Variants in PAM observed in about 807,000 individuals in gnomAD.
The protein encoded by PAM is peptidyl-glycine alpha-amidating monooxygenase.
A neutral mutation model predicts 122.1 loss-of-function variants in PAM; 72 were observed. That is an observed-to-expected ratio of 0.59 (90% CI 0.49 to 0.72). The LOEUF is 0.72. Ranked by LOEUF, PAM falls within the 30% of genes least tolerant of loss-of-function variation. The pLI is 0.00. For missense variants in PAM, 1,106 were observed against 1,183.7 expected (o/e 0.93, Z 0.96); for synonymous variants, 389 against 404.4 (o/e 0.96, Z 0.46).
chr5:102,964,022 T>G (rs1381735668), intron 14 of PAM, among the ~76,000 whole-genome samples: 3 of 151,046 alleles, frequency 2.0e-5, no homozygotes, highest in Non-Finnish European at 4.4e-5. Flanking sequence ...AGGGGAGAGA[T>G]AGAAATAATC....
At chr5:102,987,098 C>T (rs990039002) in intron 15 of PAM, among the ~76,000 whole-genome samples, 6 of 152,102 alleles carry the variant, frequency 3.9e-5, no homozygotes, top group African/African-American at 1.4e-4. Flanking sequence ...ACTGTACCCC[C>T]ATGTTTACTG....
intron 1 of PAM, among the ~76,000 whole-genome samples, chr5:102,815,157 C>G (rs1769367158): frequency 6.6e-6 from 1 of 152,082 alleles, no homozygotes; most frequent in South Asian, 2.1e-4. Flanking sequence ...ACTGCAGATC[C>G]TTGCCTCTAC....
intron 1 of PAM, among the ~76,000 whole-genome samples, chr5:102,758,090 T>TTG (rs1751126071): frequency 1.0e-5 from 1 of 99,380 alleles, no homozygotes; most frequent in South Asian, 3.7e-4. Flanking sequence ...TTTTTTTTTT[T>TTG]TTTTTTTTTT....
intron 4 of PAM, among the ~76,000 whole-genome samples, chr5:102,904,255 G>C (rs1056721294): frequency 1.3e-5 from 2 of 151,366 alleles, no homozygotes; most frequent in African/African-American, 4.8e-5. Flanking sequence ...TACTTTGTTC[G>C]TTCTTTTCTG....
At chr5:102,994,731 T>C (rs1447325210) in intron 16 of PAM, among the ~76,000 whole-genome samples, 1 of 152,196 alleles carries the variant, frequency 6.6e-6, no homozygotes, top group Non-Finnish European at 1.5e-5. Context: ...AATTCAGGGC[T>C]TTATTCCAAT....
chr5:102,938,790 C>T (rs1754122573), intron 7 of PAM, among the ~76,000 whole-genome samples: 1 of 152,106 alleles, frequency 6.6e-6, no homozygotes, highest in Non-Finnish European at 1.5e-5. Context: ...TTAGGAGCTA[C>T]AATTCTGTTT....
intron 1 of PAM, among the ~76,000 whole-genome samples, chr5:102,781,134 G>A (rs2149868687): frequency 6.6e-6 from 1 of 152,146 alleles, no homozygotes; most frequent in South Asian, 2.1e-4. Context: ...TGCAAACATT[G>A]CATACAATAC....
At chr5:102,773,930 A>G (rs370470488) in intron 1 of PAM, among the ~76,000 whole-genome samples, 1 of 152,024 alleles carries the variant, frequency 6.6e-6, no homozygotes, top group Non-Finnish European at 1.5e-5. Flanking sequence ...CATAGTTCTT[A>G]TCATTTAGCC....
intron 1 of PAM, among the ~76,000 whole-genome samples, chr5:102,767,263 G>A (rs34185188): frequency 6.6e-6 from 1 of 152,086 alleles, no homozygotes; most frequent in Admixed American, 6.5e-5. Flanking sequence ...TGATAGTGCA[G>A]AAAAGAGTTG....
intron 1 of PAM, among the ~76,000 whole-genome samples, chr5:102,845,240 G>C (rs768316735): frequency 2.0e-5 from 3 of 152,196 alleles, no homozygotes; most frequent in Non-Finnish European, 4.4e-5. Flanking sequence ...GATGAGAGGA[G>C]GGGCACATGA....
intron 16 of PAM, among the ~76,000 whole-genome samples, chr5:102,994,655 T>C (rs893093736): frequency 1.3e-5 from 2 of 152,192 alleles, no homozygotes; most frequent in Non-Finnish European, 2.9e-5. Context: ...TCTCCAAATA[T>C]GTGTCAAAAA....
At chr5:102,829,599 C>A (rs1186708109) in intron 1 of PAM, among the ~76,000 whole-genome samples, 2 of 152,126 alleles carry the variant, frequency 1.3e-5, no homozygotes, top group African/African-American at 4.8e-5. Flanking sequence ...TGGTCTCGAT[C>A]TCCTGACCTC....
At position 102,949,982 on chromosome 5, in the gene PAM, G is replaced by A; in HGVS notation, c.801+4G>A. On this transcript the variant is annotated splice_donor_region_variant and intron_variant, in intron 11 of 25. Transcript: ENST00000438793. ...GCAGAGCCCTCAGCTGCCACAGGTG[G>A]GTAAAATCTAGTTTAATTTTGAGAG... The A allele has an allele frequency of 6.7e-7, 1 of 1,496,082 alleles. No homozygotes were observed. The highest frequency in any genetic ancestry group is 9.3e-7 in the Non-Finnish European group (1 of 1,075,220). 92.7% of individuals were successfully genotyped at this position (1,496,082 alleles called of 1,614,324 possible).
At chr5:102,875,891 A>G (rs772708398) in intron 3 of PAM, among the ~76,000 whole-genome samples, 2 of 152,236 alleles carry the variant, frequency 1.3e-5, no homozygotes, top group Non-Finnish European at 2.9e-5. Flanking sequence ...ATTTAGGCTA[A>G]TAAATGGATT....
At chr5:102,943,315 T>C (rs1755909656) in intron 7 of PAM, among the ~76,000 whole-genome samples, 1 of 152,176 alleles carries the variant, frequency 6.6e-6, no homozygotes, top group Non-Finnish European at 1.5e-5. Flanking sequence ...CATAATTTAC[T>C]ACTTAGCTAA....
rs1364538187 is a variant in PAM at position 102,940,143 on chromosome 5, CACACACAT to C, written c.527-6686_527-6679del. ...ACACACACACACACACACACACACA[CACACACAT>C]ACACACACACACATATATATGAAAA... On this transcript the variant is annotated intron_variant, in intron 7 of 25. Coordinates refer to ENST00000438793, the MANE Select transcript of PAM (RefSeq NM_001177306.2). Among the ~76,000 whole-genome samples, 884 of 149,404 alleles carry C rather than the reference CACACACAT, an allele frequency of 5.9e-3. 5 individuals carry two copies. Among genetic ancestry groups the C allele is most frequent in the African/African-American group, 0.021 (843 of 39,590 alleles).
intron 15 of PAM, among the ~76,000 whole-genome samples, chr5:102,976,603 T>A (rs558254730): frequency 6.6e-6 from 1 of 152,310 alleles, no homozygotes; most frequent in Non-Finnish European, 1.5e-5. Flanking sequence ...ACTGTTTCCC[T>A]AAGTGCCTAA....
chr5:102,969,473 G>A lies in PAM; in HGVS notation c.1163-4643G>A, dbSNP rs114095538. Among the ~76,000 whole-genome samples the A allele has an allele frequency of 4.4e-3, 675 of 152,214 alleles. 5 individuals carry two copies. Among genetic ancestry groups the A allele is most frequent in the Middle Eastern group, 0.02 (6 of 294 alleles). On this transcript the variant is annotated intron_variant, in intron 14 of 25. Coordinates refer to ENST00000438793, the MANE Select transcript of PAM (RefSeq NM_001177306.2). ...TTTGTCATCCAGAGCAGAGATGGGG[G>A]TCCTTTCTGAGGAAGGAGAAGAGTC...
chr5:102,938,481 T>C (rs1398675790), intron 7 of PAM, among the ~76,000 whole-genome samples: 2 of 152,178 alleles, frequency 1.3e-5, no homozygotes, highest in Non-Finnish European at 2.9e-5. Context: ...GAGCAGAGCG[T>C]AAGTGATGTC....
Sources: gnomAD v4.1 joint callset for allele counts (sites outside exome capture counted in the v4.1 genomes callset) on GRCh38, gnomAD v4.1.1 for gene constraint, MANE v1.5 for transcripts, NCBI Gene and HGNC (gene_info 2026-07-23, HGNC 2026-07-21) for gene names.